Variants in DACH1 observed in about 807,000 individuals in gnomAD.
The protein encoded by DACH1 is dachshund homolog 1.
In DACH1, 12 loss-of-function variants were observed where a neutral mutation model predicts 54.2. The ratio of observed to expected loss-of-function variants is 0.22; its 90% confidence interval spans 0.14 to 0.36. The LOEUF (loss-of-function observed/expected upper bound fraction) is 0.36, where lower values mean the gene tolerates loss of function less well. Among genes scored for constraint, DACH1 ranks in the 10% least tolerant of loss-of-function variants. The probability of loss-of-function intolerance (pLI) is 1.00; values close to 1 mark genes in which losing one functional copy is unlikely to be tolerated. For missense variants in DACH1, 805 were observed against 929.8 expected, an observed-to-expected ratio of 0.87 and a Z score of 1.75; for synonymous variants, 386 against 366.2, an observed-to-expected ratio of 1.05 and a Z score of -0.62.
chr13:71,497,290 G>A (rs1430254036), intron 6 of DACH1, among the ~76,000 whole-genome samples: 1 of 151,386 alleles, frequency 6.6e-6, no homozygotes, highest in African/African-American at 2.4e-5. Context: ...GCTTCAATGT[G>A]CCACGGAGGA....
At chr13:71,567,862 C>T (rs998049900) in intron 4 of DACH1, among the ~76,000 whole-genome samples, 1 of 151,846 alleles carries the variant, frequency 6.6e-6, no homozygotes, top group Non-Finnish European at 1.5e-5. Context: ...TTTTCAAAAT[C>T]TTTATAACAT....
chr13:71,840,460 G>A (rs555141882), intron 1 of DACH1, among the ~76,000 whole-genome samples: 13 of 152,138 alleles, frequency 8.5e-5, no homozygotes, highest in African/African-American at 2.2e-4. Context: ...TGAGCTGGCC[G>A]GTTCCTATAT....
chr13:71,660,525 A>C (rs1421400398), intron 2 of DACH1, among the ~76,000 whole-genome samples: 2 of 152,058 alleles, frequency 1.3e-5, no homozygotes, highest in African/African-American at 2.4e-5. Flanking sequence ...ATAGCCCCAT[A>C]TATTGGGACG....
chr13:71,742,745 A>G (rs571977586), intron 1 of DACH1, among the ~76,000 whole-genome samples: 122 of 152,138 alleles, frequency 8.0e-4, no homozygotes, highest in Non-Finnish European at 1.2e-3. Flanking sequence ...GACACTGGAA[A>G]CATTTCAATC....
chr13:71,835,809 A>AC (rs1275406148), intron 1 of DACH1, among the ~76,000 whole-genome samples: 1 of 151,868 alleles, frequency 6.6e-6, no homozygotes. Context: ...ACAACAAAAA[A>AC]ATCACTTTAA....
intron 1 of DACH1, among the ~76,000 whole-genome samples, chr13:71,749,938 G>A (rs1189328861): frequency 2.6e-5 from 4 of 152,158 alleles, no homozygotes; most frequent in African/African-American, 9.7e-5. Flanking sequence ...AGTTGTGAAA[G>A]CCAAGTTAAA....
In DACH1 at chr13:71,542,284, T is replaced by C. The variant is rs73521252; in HGVS notation, c.1570+14740A>G. Reference sequence around the variant, plus strand: ...ATAAATACATACATAGATACATACATACATACTTGAAAAATAAAATAAAAA... The same window carrying C: ...ATAAATACATACATAGATACATACACACATACTTGAAAAATAAAATAAAAA... On this transcript the variant is annotated intron_variant, in intron 6 of 10. Transcript: ENST00000613252. Among the ~76,000 whole-genome samples the C allele has an allele frequency of 7.3e-3, 1,114 of 151,964 alleles. 15 individuals carry two copies. Among genetic ancestry groups the C allele is most frequent in the African/African-American group, 0.026 (1,062 of 41,476 alleles).
intron 2 of DACH1, among the ~76,000 whole-genome samples, chr13:71,669,427 T>C (rs1016438057): frequency 2.0e-5 from 3 of 152,230 alleles, no homozygotes; most frequent in Admixed American, 6.5e-5. Context: ...ATCTAATGCC[T>C]GATGATCTGT....
intron 1 of DACH1, among the ~76,000 whole-genome samples, chr13:71,738,014 T>C (rs1884214082): frequency 1.3e-5 from 2 of 152,206 alleles, no homozygotes; most frequent in Admixed American, 6.5e-5. Context: ...TCTTCAGTAA[T>C]GGGACAAATA....
chr13:71,769,908 A>G lies in DACH1; in HGVS notation c.849-87998T>C, dbSNP rs116339248. ...AAGAGGCTAAATTTTACTATCCACT[A>G]TTTTCTATGGACAATATTCTTTTGC... On this transcript the variant is annotated intron_variant, in intron 1 of 10. Transcript: ENST00000613252. Among the ~76,000 whole-genome samples, 1,293 of 151,796 alleles carry G rather than the reference A, an allele frequency of 8.5e-3. 25 individuals carry two copies. Among genetic ancestry groups the G allele is most frequent in the African/African-American group, 0.029 (1,215 of 41,554 alleles).
chr13:71,792,008 T>G (rs1886852365), intron 1 of DACH1, among the ~76,000 whole-genome samples: 1 of 152,178 alleles, frequency 6.6e-6, no homozygotes, highest in South Asian at 2.1e-4. Flanking sequence ...ATCACTCATT[T>G]GGTACATGAT....
intron 3 of DACH1, among the ~76,000 whole-genome samples, chr13:71,619,260 T>G (rs1194278495): frequency 6.6e-6 from 1 of 151,958 alleles, no homozygotes; most frequent in Non-Finnish European, 1.5e-5. Context: ...TCCTCATGTA[T>G]GTGTAACAAA....
Position 71,670,468 on chromosome 13 carries a change from C to T in DACH1, c.964+11327G>A, listed in dbSNP as rs151221674. 4.6e-3 allele frequency among the ~76,000 whole-genome samples: 696 copies of T among 152,112 alleles called. 4 individuals are homozygous for T. The highest frequency in any genetic ancestry group is 0.025 in the East Asian group (127 of 5,174). ...TAACAGTAGCAATGACATTTTATATCCCTAAAACTTATTTTGTCCACAAGT... is the reference window on the plus strand; with the variant it reads ...TAACAGTAGCAATGACATTTTATATTCCTAAAACTTATTTTGTCCACAAGT... On this transcript the variant is annotated intron_variant, in intron 2 of 10. Coordinates refer to ENST00000613252, the MANE Select transcript of DACH1 (RefSeq NM_080759.6).
At chr13:71,842,773 T>G (rs1872965275) in intron 1 of DACH1, among the ~76,000 whole-genome samples, 1 of 152,164 alleles carries the variant, frequency 6.6e-6, no homozygotes, top group Non-Finnish European at 1.5e-5. Flanking sequence ...AGTTAAATTT[T>G]AAAATACTAA....
chr13:71,558,195 A>G (rs536701297), intron 5 of DACH1, among the ~76,000 whole-genome samples: 1 of 152,190 alleles, frequency 6.6e-6, no homozygotes, highest in East Asian at 1.9e-4. Flanking sequence ...TTATGCCTAT[A>G]TTGAGATATC....
At chr13:71,807,824 C>A in intron 1 of DACH1, among the ~76,000 whole-genome samples, 1 of 152,120 alleles carries the variant, frequency 6.6e-6, no homozygotes, top group Non-Finnish European at 1.5e-5. Context: ...CCAAATATTT[C>A]TTGGATTTAC....
Position 71,804,288 on chromosome 13 carries a change from C to T in DACH1, c.848+61634G>A, listed in dbSNP as rs1447264748. ...TGTTCGTACTACTGGACTCCAGCCT[C>T]GGCAACAGGGTGAGACCTTGTCTCA... is the stretch of plus-strand genomic sequence containing the variant. On this transcript the variant is annotated intron_variant, in intron 1 of 10. Transcript: ENST00000613252. Among the ~76,000 whole-genome samples, 11 of 152,090 alleles carry T rather than the reference C, an allele frequency of 7.2e-5. No homozygotes were observed. In the South Asian group the frequency reaches 8.3e-4, roughly 11 times the overall value.
intron 1 of DACH1, among the ~76,000 whole-genome samples, chr13:71,860,320 C>T (rs965454049): frequency 1.7e-4 from 26 of 151,592 alleles, no homozygotes; most frequent in Non-Finnish European, 5.9e-5. Context: ...CTGACATATG[C>T]TAAGGTCATT....
At chr13:71,535,333 C>T (rs1882697657) in intron 6 of DACH1, among the ~76,000 whole-genome samples, 1 of 151,658 alleles carries the variant, frequency 6.6e-6, no homozygotes, top group African/African-American at 2.4e-5. Context: ...TTAAAATGTT[C>T]AACTGGCTTT....
Sources: allele counts gnomAD v4.1 joint callset (sites outside exome capture counted in the v4.1 genomes callset), GRCh38; gene constraint gnomAD v4.1.1; transcripts MANE v1.5; gene names NCBI Gene and HGNC (gene_info 2026-07-23, HGNC 2026-07-21).